HDX: variants seen among roughly 807,000 people sequenced by gnomAD.
HDX encodes the protein highly divergent homeobox.
HDX carries 19 observed loss-of-function variants against 45.2 expected under a neutral mutation model. The observed-to-expected ratio is 0.42, with a 90% CI of 0.29 to 0.62. The LOEUF (loss-of-function observed/expected upper bound fraction) is 0.62, where lower values mean the gene tolerates loss of function less well. HDX is among the 20% of genes least tolerant of loss of function. The pLI, the probability that HDX is intolerant of heterozygous loss-of-function variation, is 0.20. For synonymous variants in HDX, 188 were observed against 172.8 expected (o/e 1.09, Z -0.69); for missense variants, 532 against 493.9 (o/e 1.08, Z -0.73).
At chrX:84,413,061 T>C (rs1391847263) in intron 5 of HDX, among the ~76,000 whole-genome samples, 1 of 111,781 alleles carries the variant, frequency 8.9e-6, no homozygotes, top group African/African-American at 3.3e-5. Flanking sequence ...TTTTATAGTA[T>C]CCCTTAAATT....
At chrX:84,498,061 C>A (rs1263929687) in intron 1 of HDX, among the ~76,000 whole-genome samples, 2 of 111,509 alleles carry the variant, frequency 1.8e-5, no homozygotes, top group African/African-American at 6.5e-5. Context: ...GCCACCCTGA[C>A]AATAATAGCC....
chrX:84,481,356 G>T (rs1252914781), intron 2 of HDX, among the ~76,000 whole-genome samples: 2 of 110,676 alleles, frequency 1.8e-5, no homozygotes, highest in African/African-American at 6.6e-5. Context: ...TTTTTGTTCA[G>T]CAAGTATTTA....
At chrX:84,403,306 A>AT (rs1226012244) in intron 5 of HDX, among the ~76,000 whole-genome samples, 3 of 111,334 alleles carry the variant, frequency 2.7e-5, no homozygotes, top group Non-Finnish European at 3.8e-5. Flanking sequence ...TGTCTTTTAG[A>AT]TTTTTTTCTA....
chrX:84,469,366 C>T lies in HDX; in HGVS notation c.357G>A (p.Arg119=). The T allele has an allele frequency of 1.7e-6, 2 of 1,209,926 alleles. No individual in the cohort carries two copies. Among genetic ancestry groups the T allele is most frequent in the Non-Finnish European group, 2.2e-6 (2 of 894,630 alleles). ...TGTCTGTATGTTTGTTTGTTCCTTG[C>T]CTACTTGATGAACTGGCTGGACTGT... ...GIYSPASSSS[R]QGTNKHTDTQ... is the part of the protein sequence containing the mutation. The change falls in exon 4 of 11, where the codon AGG becomes AGA. Residue 119 remains arginine, a synonymous_variant. Transcript: ENST00000373177.
intron 5 of HDX, among the ~76,000 whole-genome samples, chrX:84,420,435 A>G (rs1288905747): frequency 9.0e-6 from 1 of 110,901 alleles, no homozygotes; most frequent in Admixed American, 9.6e-5. Context: ...AAAATACACA[A>G]TCGGAGGAGT....
intron 1 of HDX, among the ~76,000 whole-genome samples, chrX:84,494,207 G>A (rs980583985): frequency 2.7e-5 from 3 of 111,258 alleles, no homozygotes; most frequent in Non-Finnish European, 3.8e-5. Flanking sequence ...GATATACAGC[G>A]TCTCCGAATG....
chrX:84,380,479 AAC>A (rs1367432884), intron 5 of HDX, among the ~76,000 whole-genome samples: 1 of 111,342 alleles, frequency 9.0e-6, no homozygotes, highest in Non-Finnish European at 1.9e-5. Context: ...TCCTCAACAA[AAC>A]ACTAGCAAAG....
intron 6 of HDX, among the ~76,000 whole-genome samples, chrX:84,348,004 A>G (rs1290380397): frequency 9.0e-6 from 1 of 110,830 alleles, no homozygotes; most frequent in Non-Finnish European, 1.9e-5. Flanking sequence ...GATATGTTAC[A>G]TTAATTTAGG....
chrX:84,423,378 C>G (rs992624364), intron 5 of HDX, among the ~76,000 whole-genome samples: 4 of 108,885 alleles, frequency 3.7e-5, no homozygotes, highest in African/African-American at 1.0e-4. Context: ...AGAACTAATA[C>G]CAATCCTACT....
At chrX:84,386,392 CT>C (rs2038322502) in intron 5 of HDX, among the ~76,000 whole-genome samples, 1 of 111,007 alleles carries the variant, frequency 9.0e-6, no homozygotes, top group African/African-American at 3.3e-5. Context: ...GGAAACCCTA[CT>C]CCTTCATTTT....
intron 6 of HDX, among the ~76,000 whole-genome samples, chrX:84,349,391 T>TTATA (rs199554699): frequency 1.1e-5 from 1 of 93,958 alleles, no homozygotes; most frequent in South Asian, 5.2e-4. Flanking sequence ...TATTTAAAAA[T>TTATA]TATATATATA....
intron 5 of HDX, among the ~76,000 whole-genome samples, chrX:84,375,504 A>AT (rs2038028509): frequency 8.9e-6 from 1 of 112,254 alleles, no homozygotes; most frequent in Non-Finnish European, 1.9e-5. Context: ...CCAAATGTCC[A>AT]AAACGATAGA....
chrX:84,488,855 C>T (rs985511358), intron 1 of HDX, among the ~76,000 whole-genome samples: 1 of 111,532 alleles, frequency 9.0e-6, no homozygotes, highest in African/African-American at 3.3e-5. Context: ...AATTGTGATA[C>T]GGTGTCTGTC....
chrX:84,485,552 C>T (rs185612978), intron 2 of HDX, among the ~76,000 whole-genome samples: 172 of 111,229 alleles, frequency 1.5e-3, no homozygotes, highest in Middle Eastern at 4.6e-3. Context: ...CATGCATCAC[C>T]ATGCCTGGCT....
At chrX:84,371,043 C>T (rs754350085) in intron 5 of HDX, among the ~76,000 whole-genome samples, 54 of 112,250 alleles carry the variant, frequency 4.8e-4, no homozygotes, top group Non-Finnish European at 9.8e-4. Context: ...CACTTCTATT[C>T]TCCAGCAACA....
At chrX:84,361,714 C>T in intron 5 of HDX, 102 bp from the exon 6 acceptor site, 1 of 546,127 alleles carries the variant, frequency 1.8e-6, no homozygotes, top group Non-Finnish European at 2.7e-6. Context: ...TGCTACGATA[C>T]TAGCAAAATT....
rs909092780 is a variant in HDX at position 84,321,810 on chromosome X, G to C, written c.*79C>G. ...GTTTTCCCAACTAAAGAATACCAGGGCAACAGAATGCAGTTATCTTGAAAT... is the reference window on the plus strand; with the variant it reads ...GTTTTCCCAACTAAAGAATACCAGGCCAACAGAATGCAGTTATCTTGAAAT... On this transcript the variant is annotated 3_prime_UTR_variant, in exon 11 of 11. Coordinates refer to ENST00000373177, the MANE Select transcript of HDX (RefSeq NM_001177479.2). 7.5e-6 allele frequency: 6 copies of C among 797,674 alleles called. No homozygotes were observed. The African/African-American group carries it at 1.3e-4, about 17-fold the overall frequency. The allele number at this position is 797,674 out of a possible 1,213,427, so 65.7% of individuals were successfully genotyped here.
At chrX:84,405,757 G>A (rs1227116813) in intron 5 of HDX, among the ~76,000 whole-genome samples, 1 of 107,545 alleles carries the variant, frequency 9.3e-6, no homozygotes, top group Non-Finnish European at 1.9e-5. Flanking sequence ...AACATGATTT[G>A]AATCATCAAC....
chrX:84,389,790 A>G (rs1236886827), intron 5 of HDX, among the ~76,000 whole-genome samples: 1 of 110,800 alleles, frequency 9.0e-6, no homozygotes, highest in Non-Finnish European at 1.9e-5. Context: ...TGCCCAGTGC[A>G]CAAAAACTCC....
Sources: gnomAD v4.1 joint callset for allele counts (sites outside exome capture counted in the v4.1 genomes callset) on GRCh38, gnomAD v4.1.1 for gene constraint, MANE v1.5 for transcripts, NCBI Gene and HGNC (gene_info 2026-07-23, HGNC 2026-07-21) for gene names.